The following XPOT variants were observed in gnomAD, a reference collection of about 807,000 sequenced individuals.
The protein encoded by XPOT is exportin for tRNA, also known as exportin-T.
Under a neutral mutation model 128.2 loss-of-function variants are expected in XPOT, and 34 were observed. The ratio of observed to expected loss-of-function variants is 0.27; its 90% CI spans 0.20 to 0.35. XPOT has a LOEUF of 0.35. Among genes scored for constraint, XPOT ranks in the 10% least tolerant of loss-of-function variants. The probability of loss-of-function intolerance (pLI) is 1.00; values close to 1 mark genes in which losing one functional copy is unlikely to be tolerated. For missense variants in XPOT, 838 were observed against 1,125.3 expected, an observed-to-expected ratio of 0.74 and a Z score of 3.65; for synonymous variants, 348 against 394.3, an observed-to-expected ratio of 0.88 and a Z score of 1.39.
At chr12:64,413,788 A>T (rs1439048794) in intron 2 of XPOT, among the ~76,000 whole-genome samples, 5 of 152,238 alleles carry the variant, frequency 3.3e-5, no homozygotes, top group Non-Finnish European at 7.3e-5. Flanking sequence ...ATGCACATAA[A>T]TAACTAAAAC....
chr12:64,405,571 C>A (rs921858245), intron 1 of XPOT, among the ~76,000 whole-genome samples: 1 of 152,192 alleles, frequency 6.6e-6, no homozygotes, highest in South Asian at 2.1e-4. Context: ...CCCCCAAGAA[C>A]CTTTGCAAGA....
rs1366801674 is a variant in XPOT at position 64,431,661 on chromosome 12, C to G, written c.2100C>G (p.Leu700=). 1.2e-6 allele frequency: 2 copies of G among 1,613,928 alleles called. No individual in the cohort carries two copies. Among genetic ancestry groups the G allele is most frequent in the South Asian group, 2.2e-5 (2 of 91,072 alleles). The change falls in exon 18 of 25, where the codon CTC becomes CTG. Residue 700 remains leucine, a synonymous_variant. Transcript: ENST00000332707. ...ALSCPLQKDI[L]RSGVRTFLHR... ...GTTGTCCCTTACAAAAGGATATTCT[C>G]AGAAGTGGAGTCCGTACTTTCCTTC... is the stretch of plus-strand genomic sequence containing the variant.
Position 64,448,228 on chromosome 12 carries a change from T to C in XPOT, c.*97T>C. 8.2e-7 allele frequency: 1 copy of C among 1,225,644 alleles called. No homozygotes were observed. 75.9% of individuals were successfully genotyped at this position (1,225,644 alleles called of 1,614,324 possible). Reference sequence around the variant, plus strand: ...GCCATTCACACTGGTCTTTTTCACATTGTTTTGAGCTTATTGCAGTATATG... The same window carrying C: ...GCCATTCACACTGGTCTTTTTCACACTGTTTTGAGCTTATTGCAGTATATG... On this transcript the variant is annotated 3_prime_UTR_variant, in exon 25 of 25. Coordinates refer to ENST00000332707, the MANE Select transcript of XPOT (RefSeq NM_007235.6).
At chr12:64,407,407 A>T (rs1592521866) in intron 1 of XPOT, among the ~76,000 whole-genome samples, 1 of 150,562 alleles carries the variant, frequency 6.6e-6, no homozygotes, top group Non-Finnish European at 1.5e-5. Context: ...AATCACTTGA[A>T]CCCAGGAGCC....
At chr12:64,408,941 C>A (rs1377494115) in intron 1 of XPOT, among the ~76,000 whole-genome samples, 1 of 152,062 alleles carries the variant, frequency 6.6e-6, no homozygotes, top group Admixed American at 6.6e-5. Context: ...CCAAAGTTCT[C>A]AGATTACCGG....
chr12:64,434,419 G>T, intron 19 of XPOT, 88 bp from the exon 20 acceptor site: 1 of 806,384 alleles, frequency 1.2e-6, no homozygotes, highest in Non-Finnish European at 2.0e-6. Flanking sequence ...AATGATTTTT[G>T]ACTTGTTAAT....
chr12:64,428,287 CATAGTA>C (rs911461795), intron 16 of XPOT, among the ~76,000 whole-genome samples, 167 bp downstream of exon 16: 1 of 151,818 alleles, frequency 6.6e-6, no homozygotes, highest in Non-Finnish European at 1.5e-5. Flanking sequence ...GTAAACAAAA[CATAGTA>C]ATAGGAATCA....
In XPOT at chr12:64,425,421, T is replaced by G; in HGVS notation, c.1536T>G (p.Phe512Leu). 5 of 1,613,952 alleles carry G rather than the reference T, an allele frequency of 3.1e-6. No individual in the cohort carries two copies. Among genetic ancestry groups the G allele is most frequent in the Non-Finnish European group, 4.2e-6 (5 of 1,179,954 alleles). Residue 512 changes from phenylalanine to leucine, a missense_variant, in exon 14 of 25, where the codon TTT becomes TTG. By Grantham distance (22) the Phe-to-Leu change is conservative. Around this residue, in one of 3 missense-constraint regions of XPOT, gnomAD observed 761 missense variants for 988.3 expected, o/e 0.77. Coordinates refer to ENST00000332707, the MANE Select transcript of XPOT (RefSeq NM_007235.6). ...FFETVVRYEK[F>L]FTVEPQHIPC... is the part of the protein sequence containing the mutation. Reference sequence around the variant, plus strand: ...AAACTGTTGTTAGATATGAAAAGTTTTTCACAGTTGAACCTCAGCACATTC... The same window carrying G: ...AAACTGTTGTTAGATATGAAAAGTTGTTCACAGTTGAACCTCAGCACATTC...
chr12:64,440,826 G>A (rs2040318867), intron 23 of XPOT, among the ~76,000 whole-genome samples: 2 of 152,062 alleles, frequency 1.3e-5, no homozygotes, highest in African/African-American at 4.8e-5. Flanking sequence ...AATTAGAGGA[G>A]TTTTTTTATA....
intron 15 of XPOT, 42 bp from the exon 16 acceptor site, chr12:64,427,997 TAGCACTGTTTTG>T: frequency 2.5e-6 from 3 of 1,207,398 alleles, no homozygotes; most frequent in Non-Finnish European, 3.6e-6. Context: ...TTTGGTATTT[TAGCACTGTTTTG>T]AGCACTGTTA....
At chr12:64,410,376 A>G (rs192907140) in intron 2 of XPOT, among the ~76,000 whole-genome samples, 10 of 152,358 alleles carry the variant, frequency 6.6e-5, no homozygotes, top group Admixed American at 5.9e-4. Context: ...TTGTAATGCA[A>G]AGGATTCGTT....
chr12:64,418,781 C>A, intron 5 of XPOT, 95 bp from the exon 6 acceptor site: 1 of 1,015,452 alleles, frequency 9.8e-7, no homozygotes, highest in Non-Finnish European at 1.5e-6. Context: ...GCCATGTTGA[C>A]ATTTGATGAA....
chr12:64,422,470 T>C (rs1414505804), intron 9 of XPOT, among the ~76,000 whole-genome samples: 5 of 152,224 alleles, frequency 3.3e-5, no homozygotes, highest in Admixed American at 3.3e-4. Context: ...GAATATGTTA[T>C]AGGTGTCTTT....
At chr12:64,424,410 A>G (rs747252786) in intron 11 of XPOT, among the ~76,000 whole-genome samples, 189 bp from the exon 12 acceptor site, 1 of 152,224 alleles carries the variant, frequency 6.6e-6, no homozygotes, top group Non-Finnish European at 1.5e-5. Flanking sequence ...GGAAAAATAC[A>G]GGAGAACTGG....
chr12:64,414,291 T>TA (rs1198398796), intron 2 of XPOT, among the ~76,000 whole-genome samples: 1 of 152,176 alleles, frequency 6.6e-6, no homozygotes. Flanking sequence ...AACTTAGAGA[T>TA]AAAAAACTTC....
chr12:64,418,168 T>G (rs1288936331), intron 5 of XPOT, 53 bp downstream of exon 5: 11 of 1,501,248 alleles, frequency 7.3e-6, no homozygotes, highest in Non-Finnish European at 1.0e-5. Context: ...TTAAACTTAT[T>G]TTTTGCAAGA....
At chr12:64,411,984 A>C (rs1049026976) in intron 2 of XPOT, among the ~76,000 whole-genome samples, 13 of 150,788 alleles carry the variant, frequency 8.6e-5, no homozygotes, top group Admixed American at 2.0e-4. Context: ...AAAAACTTCC[A>C]CGTTATCTCT....
chr12:64,420,286 C>T (rs2040126205), intron 7 of XPOT, 32 bp downstream of exon 7: 8 of 1,591,862 alleles, frequency 5.0e-6, no homozygotes, highest in Admixed American at 1.8e-5. Flanking sequence ...ATAGTATAAA[C>T]TTGTAAAATA....
intron 18 of XPOT, among the ~76,000 whole-genome samples, chr12:64,432,171 A>G (rs2040244943): frequency 6.6e-6 from 1 of 152,180 alleles, no homozygotes; most frequent in South Asian, 2.1e-4. Flanking sequence ...CAATGTATTA[A>G]AGTCAGTTTT....
Sources: gnomAD v4.1 joint callset for allele counts (sites outside exome capture counted in the v4.1 genomes callset) on GRCh38, gnomAD v4.1.1 for gene constraint, gnomAD v4.1.1 regional missense constraint, MANE v1.5 for transcripts, NCBI Gene and HGNC (gene_info 2026-07-23, HGNC 2026-07-21) for gene names.